PAM: variants seen among roughly 807,000 people sequenced by gnomAD.
PAM encodes peptidylglycine alpha-amidating monooxygenase, also known as peptidyl-glycine alpha-amidating monooxygenase.
PAM carries 72 observed loss-of-function variants against 122.1 expected under a neutral mutation model. The observed-to-expected ratio is 0.59, with a 90% confidence interval of 0.49 to 0.72. The LOEUF is 0.72. Ranked by LOEUF, PAM falls within the 30% of genes least tolerant of loss-of-function variation. The pLI is 0.00. For synonymous variants in PAM, 389 were observed against 404.4 expected, an observed-to-expected ratio of 0.96 and a Z score of 0.46; for missense variants, 1,106 against 1,183.7, an observed-to-expected ratio of 0.93 and a Z score of 0.96.
intron 1 of PAM, among the ~76,000 whole-genome samples, chr5:102,862,881 G>A (rs1427731083): frequency 6.6e-6 from 1 of 152,088 alleles, no homozygotes; most frequent in Admixed American, 6.6e-5. Context: ...TCAGTTTACA[G>A]GTATCCACTA....
chr5:102,767,695 T>C (rs1754506761), intron 1 of PAM, among the ~76,000 whole-genome samples: 1 of 152,186 alleles, frequency 6.6e-6, no homozygotes, highest in Non-Finnish European at 1.5e-5. Context: ...TGCTGTACTT[T>C]CATTAAATTG....
At chr5:102,801,946 T>G (rs1008389261) in intron 1 of PAM, among the ~76,000 whole-genome samples, 7 of 150,222 alleles carry the variant, frequency 4.7e-5, no homozygotes, top group African/African-American at 7.4e-5. Context: ...GCCCGGCTAA[T>G]TTTTTGTATT....
chr5:102,907,692 T>C (rs1260882356), intron 4 of PAM, among the ~76,000 whole-genome samples: 1 of 151,962 alleles, frequency 6.6e-6, no homozygotes, highest in East Asian at 1.9e-4. Flanking sequence ...TATCTCATTG[T>C]GGTTTTGATT....
intron 14 of PAM, 72 bp from the exon 15 acceptor site, chr5:102,974,044 A>G: frequency 3.1e-6 from 3 of 979,608 alleles, no homozygotes; most frequent in Non-Finnish European, 4.6e-6. Context: ...ATATTTTTTA[A>G]AGCACCAAAT....
intron 12 of PAM, among the ~76,000 whole-genome samples, chr5:102,958,803 A>G (rs1761615619): frequency 2.0e-5 from 3 of 152,130 alleles, no homozygotes; most frequent in African/African-American, 2.4e-5. Flanking sequence ...TACTGTTGCT[A>G]TGGAGAGAAA....
At chr5:102,761,215 A>G (rs467186) in intron 1 of PAM, among the ~76,000 whole-genome samples, 71,824 of 152,004 alleles carry the variant, frequency 0.47, 17,448 homozygotes, top group African/African-American at 0.58. Flanking sequence ...AAAGGAGGGA[A>G]CTGGACTCAA....
chr5:102,942,572 T>C (rs1465810345), intron 7 of PAM, among the ~76,000 whole-genome samples: 2 of 151,318 alleles, frequency 1.3e-5, no homozygotes, highest in East Asian at 3.9e-4. Context: ...ATTATTTGCT[T>C]CCAAATTTTC....
At chr5:102,890,478 CCTCGTAAGCT>C (rs1399879489) in intron 3 of PAM, among the ~76,000 whole-genome samples, 1 of 151,690 alleles carries the variant, frequency 6.6e-6, no homozygotes, top group South Asian at 2.1e-4. Flanking sequence ...GGAAACTTTC[CCTCGTAAGCT>C]ATTTGATCAC....
chr5:103,006,684 T>A (rs1779084013), intron 18 of PAM, 117 bp from the exon 19 acceptor site: 1 of 703,386 alleles, frequency 1.4e-6, no homozygotes, highest in Non-Finnish European at 2.5e-6. Context: ...TACCTTCTTT[T>A]AAATAAGTCT....
intron 1 of PAM, among the ~76,000 whole-genome samples, chr5:102,816,449 C>G (rs1014635765): frequency 2.6e-5 from 4 of 152,124 alleles, no homozygotes; most frequent in Non-Finnish European, 4.4e-5. Flanking sequence ...TGCTCAAGTA[C>G]AGTCTGGGCA....
intron 1 of PAM, among the ~76,000 whole-genome samples, chr5:102,788,035 TGA>T (rs1422339679): frequency 6.6e-6 from 1 of 152,128 alleles, no homozygotes; most frequent in Non-Finnish European, 1.5e-5. Context: ...TAAAAATACT[TGA>T]GGAAAGTCCT....
At chr5:102,791,155 T>C (rs988814987) in intron 1 of PAM, among the ~76,000 whole-genome samples, 1 of 152,148 alleles carries the variant, frequency 6.6e-6, no homozygotes, top group Non-Finnish European at 1.5e-5. Flanking sequence ...AATTTGTTTT[T>C]GCTGTTATAA....
rs115938872 is a variant in PAM, at chr5:102,875,973, T to C, written c.210+8580T>C. Among the ~76,000 whole-genome samples the C allele has an allele frequency of 8.0e-3, 1,224 of 152,336 alleles. 14 individuals are homozygous for C. The highest frequency in any genetic ancestry group is 0.027 in the African/African-American group (1,120 of 41,570). ...AAAGAATAAAAATACCAATGCAAGGTTAACAGTGCTTTGATCTTTGTTCCT... is the reference window on the plus strand; with the variant it reads ...AAAGAATAAAAATACCAATGCAAGGCTAACAGTGCTTTGATCTTTGTTCCT... On this transcript the variant is annotated intron_variant, in intron 3 of 25. Coordinates refer to ENST00000438793, the MANE Select transcript of PAM (RefSeq NM_001177306.2).
intron 1 of PAM, among the ~76,000 whole-genome samples, chr5:102,842,679 G>A (rs1778944398): frequency 6.6e-6 from 1 of 152,200 alleles, no homozygotes; most frequent in South Asian, 2.1e-4. Flanking sequence ...TGGGTGTTGT[G>A]TGAGTTAGTC....
At chr5:102,860,981 A>G (rs1361133258) in intron 1 of PAM, among the ~76,000 whole-genome samples, 1 of 152,152 alleles carries the variant, frequency 6.6e-6, no homozygotes, top group Admixed American at 6.5e-5. Context: ...AAATGATGGT[A>G]TGTGGCTTCT....
chr5:102,948,448 G>A lies in PAM; in HGVS notation c.643+3G>A. On this transcript the variant is annotated splice_donor_region_variant and intron_variant, in intron 9 of 25. Coordinates refer to ENST00000438793, the MANE Select transcript of PAM (RefSeq NM_001177306.2). ...TGTTATCCCAGCAGGAGAAAAAGGT[G>A]AGTAATGATTTTTTAATATTTACCA... 2 of 1,491,724 alleles carry A rather than the reference G, an allele frequency of 1.3e-6. No individual in the cohort carries two copies. The highest frequency in any genetic ancestry group is 1.9e-6 in the Non-Finnish European group (2 of 1,071,092). The allele number at this position is 1,491,724 out of a possible 1,614,324, so 92.4% of individuals were successfully genotyped here.
chr5:102,965,838 A>G (rs1441197207), intron 14 of PAM, among the ~76,000 whole-genome samples: 1 of 152,072 alleles, frequency 6.6e-6, no homozygotes, highest in Non-Finnish European at 1.5e-5. Flanking sequence ...GCTAACAAAA[A>G]TGAATTACCA....
intron 1 of PAM, among the ~76,000 whole-genome samples, chr5:102,818,024 CAA>C (rs753744226): frequency 0.015 from 847 of 55,430 alleles, 6 homozygotes; most frequent in African/African-American, 0.05. Context: ...TTTTTTTTCT[CAA>C]AAAAAAAAAA....
chr5:102,780,867 C>T (rs1340334339), intron 1 of PAM, among the ~76,000 whole-genome samples: 2 of 141,026 alleles, frequency 1.4e-5, no homozygotes, highest in African/African-American at 5.3e-5. Context: ...CTCTTTCTTT[C>T]TTTCTCCTTT....
Sources: gnomAD v4.1 joint callset for allele counts (sites outside exome capture counted in the v4.1 genomes callset) on GRCh38, gnomAD v4.1.1 for gene constraint, MANE v1.5 for transcripts, NCBI Gene and HGNC (gene_info 2026-07-23, HGNC 2026-07-21) for gene names.